Variants in MEGF9 observed in about 807,000 individuals in gnomAD.
MEGF9 encodes multiple EGF like domains 9.
In MEGF9, 6 loss-of-function variants were observed where a neutral mutation model predicts 46.8. That is an observed-to-expected ratio of 0.13 (90% CI 0.07 to 0.25). The LOEUF is 0.25. Ranked by LOEUF, MEGF9 falls within the 10% of genes least tolerant of loss-of-function variation. The probability of loss-of-function intolerance (pLI) is 1.00; values close to 1 mark genes in which losing one functional copy is unlikely to be tolerated. For synonymous variants in MEGF9, 302 were observed against 330.7 expected (o/e 0.91, Z 0.94); for missense variants, 683 against 792.4 (o/e 0.86, Z 1.66).
chr9:120,625,833 CAAAAAAAAA>C (rs763605820), intron 2 of MEGF9, among the ~76,000 whole-genome samples: 310 of 113,148 alleles, frequency 2.7e-3, no homozygotes, highest in Non-Finnish European at 3.5e-3. Flanking sequence ...CTCTGTCTCA[CAAAAAAAAA>C]AAAAAAAAAA....
intron 1 of MEGF9, among the ~76,000 whole-genome samples, chr9:120,696,019 T>C (rs1172550214): frequency 6.6e-6 from 1 of 152,190 alleles, no homozygotes; most frequent in Non-Finnish European, 1.5e-5. Context: ...AACAGGGAGA[T>C]GGATGGAGTA....
intron 1 of MEGF9, among the ~76,000 whole-genome samples, chr9:120,664,952 G>A (rs1490919333): frequency 6.6e-6 from 1 of 152,136 alleles, no homozygotes; most frequent in Admixed American, 6.6e-5. Flanking sequence ...TGCATACAAT[G>A]TGTAATGATC....
chr9:120,638,935 G>A (rs1469481753), intron 2 of MEGF9, among the ~76,000 whole-genome samples: 1 of 152,232 alleles, frequency 6.6e-6, no homozygotes, highest in East Asian at 1.9e-4. Flanking sequence ...TTCTGCCTCA[G>A]TATCCTGAGT....
At chr9:120,648,463 G>A (rs1426729985) in intron 2 of MEGF9, among the ~76,000 whole-genome samples, 1 of 151,936 alleles carries the variant, frequency 6.6e-6, no homozygotes, top group Non-Finnish European at 1.5e-5. Context: ...AATCAGTGAA[G>A]ACGTCTTTTT....
chr9:120,629,948 A>G (rs1209375694), intron 2 of MEGF9, among the ~76,000 whole-genome samples: 1 of 151,836 alleles, frequency 6.6e-6, no homozygotes, highest in Non-Finnish European at 1.5e-5. Context: ...AAAAAAAAAG[A>G]AAAGTTTTAT....
intron 5 of MEGF9, 81 bp downstream of exon 5, chr9:120,607,660 G>A (rs117904448): frequency 6.9e-7 from 1 of 1,451,832 alleles, no homozygotes; most frequent in Admixed American, 1.7e-5. Flanking sequence ...CTCTGGTAGG[G>A]TTAGAAGGTT....
intron 1 of MEGF9, among the ~76,000 whole-genome samples, chr9:120,698,812 A>G (rs1175623924): frequency 6.6e-6 from 1 of 152,218 alleles, no homozygotes; most frequent in Non-Finnish European, 1.5e-5. Context: ...TTCAAAGTTC[A>G]AAATTCAGAG....
chr9:120,711,684 A>C (rs2043953583), intron 1 of MEGF9, among the ~76,000 whole-genome samples: 1 of 152,230 alleles, frequency 6.6e-6, no homozygotes, highest in Non-Finnish European at 1.5e-5. Context: ...TATTTATCAG[A>C]TACTAACCAA....
At chr9:120,652,590 GCACACA>G (rs141794570) in intron 2 of MEGF9, among the ~76,000 whole-genome samples, 5 of 134,208 alleles carry the variant, frequency 3.7e-5, no homozygotes, top group South Asian at 2.5e-4. Flanking sequence ...GTGGACACAG[GCACACA>G]CACACACACA....
intron 1 of MEGF9, among the ~76,000 whole-genome samples, chr9:120,669,628 AT>A (rs1394883511): frequency 3.3e-5 from 5 of 152,274 alleles, no homozygotes; most frequent in Admixed American, 2.6e-4. Flanking sequence ...ACATAAAAAA[AT>A]GTACAATTCA....
intron 1 of MEGF9, among the ~76,000 whole-genome samples, chr9:120,709,613 C>T (rs879260597): frequency 1.3e-4 from 20 of 152,256 alleles, no homozygotes; most frequent in Middle Eastern, 3.4e-3. Context: ...ATGGCCCCAA[C>T]GGGCAGAGCC....
chr9:120,701,646 A>T (rs2043905489), intron 1 of MEGF9, among the ~76,000 whole-genome samples: 1 of 152,238 alleles, frequency 6.6e-6, no homozygotes, highest in Admixed American at 6.5e-5. Context: ...AATCAAATAT[A>T]TTGATAAAGA....
At chr9:120,673,901 C>T (rs866142544) in intron 1 of MEGF9, among the ~76,000 whole-genome samples, 62 of 142,868 alleles carry the variant, frequency 4.3e-4, no homozygotes, top group African/African-American at 1.3e-3. Context: ...ACTCAGAGGG[C>T]GGAGCTTGCA....
At chr9:120,700,077 T>G (rs2043897340) in intron 1 of MEGF9, among the ~76,000 whole-genome samples, 1 of 152,240 alleles carries the variant, frequency 6.6e-6, no homozygotes, top group Non-Finnish European at 1.5e-5. Context: ...GGAAAGAATA[T>G]TAAAGCCTTT....
intron 2 of MEGF9, among the ~76,000 whole-genome samples, chr9:120,645,350 G>A (rs1050325007): frequency 6.6e-6 from 1 of 152,178 alleles, no homozygotes; most frequent in Non-Finnish European, 1.5e-5. Flanking sequence ...GTGGCATTAA[G>A]GGATTGGGTT....
At chr9:120,649,477 G>C (rs1214796885) in intron 2 of MEGF9, among the ~76,000 whole-genome samples, 2 of 152,176 alleles carry the variant, frequency 1.3e-5, no homozygotes, top group Non-Finnish European at 2.9e-5. Context: ...CAGGATGATT[G>C]AGTGTGGCGG....
chr9:120,685,001 A>AT (rs1342114192), intron 1 of MEGF9, among the ~76,000 whole-genome samples: 1 of 151,880 alleles, frequency 6.6e-6, no homozygotes, highest in African/African-American at 2.4e-5. Flanking sequence ...CGCCCAGCTA[A>AT]TTTTTTGTAT....
chr9:120,665,256 A>G (rs1178493717), intron 1 of MEGF9, among the ~76,000 whole-genome samples: 1 of 151,048 alleles, frequency 6.6e-6, no homozygotes, highest in Non-Finnish European at 1.5e-5. Flanking sequence ...CCTAGGCTGG[A>G]GTGTGGTGAC....
intron 1 of MEGF9, among the ~76,000 whole-genome samples, chr9:120,664,828 C>T (rs1311096233): frequency 6.6e-6 from 1 of 152,190 alleles, no homozygotes; most frequent in African/African-American, 2.4e-5. Context: ...AATACCTTTG[C>T]AAAACTCAAT....
Sources: gnomAD v4.1 joint callset for allele counts (sites outside exome capture counted in the v4.1 genomes callset) on GRCh38, gnomAD v4.1.1 for gene constraint, MANE v1.5 for transcripts, NCBI Gene and HGNC (gene_info 2026-07-23, HGNC 2026-07-21) for gene names.